Variants in IL1RAPL1 observed in about 807,000 individuals in gnomAD.
IL1RAPL1 encodes interleukin 1 receptor accessory protein like 1, also known as interleukin-1 receptor accessory protein-like 1.
IL1RAPL1 carries 3 observed loss-of-function variants against 48.4 expected under a neutral mutation model. That is an observed-to-expected ratio of 0.06 (90% CI 0.03 to 0.16). The LOEUF (loss-of-function observed/expected upper bound fraction) is 0.16. Among genes scored for constraint, IL1RAPL1 ranks in the 10% least tolerant of loss-of-function variants. The probability of loss-of-function intolerance (pLI) is 1.00; values close to 1 mark genes in which losing one functional copy is unlikely to be tolerated. For synonymous variants in IL1RAPL1, 185 were observed against 187.7 expected (o/e 0.99, Z 0.12); for missense variants, 349 against 530.6 (o/e 0.66, Z 3.36).
At chrX:29,456,389 A>G (rs188500277) in intron 5 of IL1RAPL1, among the ~76,000 whole-genome samples, 1 of 111,893 alleles carries the variant, frequency 8.9e-6, no homozygotes, top group East Asian at 2.8e-4. Flanking sequence ...TAAAACTTCT[A>G]TTGATGCCAC....
chrX:28,654,576 A>G (rs1177182080), intron 1 of IL1RAPL1, among the ~76,000 whole-genome samples: 2 of 112,224 alleles, frequency 1.8e-5, no homozygotes, highest in Non-Finnish European at 3.8e-5. Context: ...ACAATTCTAA[A>G]TGGAATGTGA....
chrX:29,658,977 G>A (rs747309126), intron 5 of IL1RAPL1, among the ~76,000 whole-genome samples: 59 of 111,891 alleles, frequency 5.3e-4, no homozygotes, highest in African/African-American at 1.9e-3. Flanking sequence ...ACTGCCCAAA[G>A]CAATTGACAC....
intron 5 of IL1RAPL1, among the ~76,000 whole-genome samples, chrX:29,507,751 C>T (rs1253159183): frequency 9.0e-6 from 1 of 110,542 alleles, no homozygotes; most frequent in Non-Finnish European, 1.9e-5. Context: ...CAAATTTAAG[C>T]CAAAGTTTCT....
At chrX:29,922,946 C>G (rs775925161) in intron 8 of IL1RAPL1, among the ~76,000 whole-genome samples, 1 of 111,009 alleles carries the variant, frequency 9.0e-6, no homozygotes. Flanking sequence ...GAATACTGAT[C>G]TTGTATACCA....
intron 8 of IL1RAPL1, among the ~76,000 whole-genome samples, chrX:29,938,615 T>C (rs1933073324): frequency 8.9e-6 from 1 of 112,475 alleles, no homozygotes; most frequent in Non-Finnish European, 1.9e-5. Flanking sequence ...ATTCACATAA[T>C]ATAAAGCGTG....
intron 1 of IL1RAPL1, among the ~76,000 whole-genome samples, chrX:28,738,751 A>G (rs777571906): frequency 9.0e-6 from 1 of 111,441 alleles, no homozygotes; most frequent in Non-Finnish European, 1.9e-5. Context: ...AGTGCTTTTT[A>G]AGGGTTTTGG....
intron 6 of IL1RAPL1, among the ~76,000 whole-genome samples, chrX:29,828,864 C>T (rs996070277): frequency 1.8e-5 from 2 of 108,650 alleles, no homozygotes; most frequent in African/African-American, 3.4e-5. Context: ...AGCTCCAAGA[C>T]AGGAAGGTGG....
chrX:29,947,966 G>A (rs1352790550), intron 9 of IL1RAPL1, among the ~76,000 whole-genome samples: 3 of 110,475 alleles, frequency 2.7e-5, no homozygotes, highest in Admixed American at 9.6e-5. Context: ...TTGCTATTCT[G>A]CTACTTTTTA....
intron 2 of IL1RAPL1, among the ~76,000 whole-genome samples, chrX:29,175,703 G>A (rs1443077828): frequency 9.3e-6 from 1 of 107,677 alleles, no homozygotes; most frequent in Non-Finnish European, 1.9e-5. Context: ...AAAATTAGCC[G>A]AGTGTGGTGG....
At chrX:28,704,832 A>ACAC (rs1491392987) in intron 1 of IL1RAPL1, among the ~76,000 whole-genome samples, 12 of 44,979 alleles carry the variant, frequency 2.7e-4, no homozygotes, top group South Asian at 1.1e-3. Context: ...ACACACACAC[A>ACAC]AAAAAAAAAA....
In IL1RAPL1 at chrX:29,381,665, A is replaced by G. The variant is rs1312233388; in HGVS notation, c.363-14593A>G. Among the ~76,000 whole-genome samples, 5 of 104,653 alleles carry G rather than the reference A, an allele frequency of 4.8e-5. No individual in the cohort carries two copies. The East Asian group carries it at 1.5e-3, about 31-fold the overall frequency. The allele number at this position is 104,653 out of a possible 115,157, so 90.9% of individuals were successfully genotyped here. ...TACCGCCTCTACAGAAAGTAAAAAA[A>G]CTTATCCAGATGTGGTGGCACATTC... On this transcript the variant is annotated intron_variant, in intron 3 of 10. Coordinates refer to ENST00000378993, the MANE Select transcript of IL1RAPL1 (RefSeq NM_014271.4).
intron 6 of IL1RAPL1, among the ~76,000 whole-genome samples, chrX:29,907,350 CTTTT>C: frequency 9.0e-6 from 1 of 110,864 alleles, no homozygotes; most frequent in South Asian, 3.7e-4. Context: ...TAATCTTGCA[CTTTT>C]TTGTTATTTC....
chrX:29,461,968 C>G lies in IL1RAPL1; in HGVS notation c.703+62660C>G, dbSNP rs368010901. On this transcript the variant is annotated intron_variant, in intron 5 of 10. Coordinates refer to ENST00000378993, the MANE Select transcript of IL1RAPL1 (RefSeq NM_014271.4). ...GCACAAGTATATAAGTTTACTGAAACTCATTAAACTGAACATGTAAAATGG... is the reference window on the plus strand; with the variant it reads ...GCACAAGTATATAAGTTTACTGAAAGTCATTAAACTGAACATGTAAAATGG... Among the ~76,000 whole-genome samples the G allele has an allele frequency of 3.6e-5, 4 of 111,464 alleles. No homozygotes were observed. In the East Asian group the frequency reaches 1.1e-3, roughly 31 times the overall value.
intron 2 of IL1RAPL1, among the ~76,000 whole-genome samples, chrX:29,055,162 C>A (rs1275804471): frequency 9.0e-6 from 1 of 111,401 alleles, no homozygotes; most frequent in Non-Finnish European, 1.9e-5. Context: ...TGTGTGGAAC[C>A]TTTACTATTC....
intron 6 of IL1RAPL1, among the ~76,000 whole-genome samples, chrX:29,826,648 T>G (rs926483816): frequency 3.6e-5 from 4 of 111,902 alleles, no homozygotes; most frequent in African/African-American, 1.3e-4. Flanking sequence ...TGTGGTTTTT[T>G]GTGTCTAGCT....
chrX:29,167,930 A>G (rs1452284509), intron 2 of IL1RAPL1, among the ~76,000 whole-genome samples: 2 of 111,023 alleles, frequency 1.8e-5, no homozygotes, highest in African/African-American at 6.5e-5. Flanking sequence ...GGATTGTCAA[A>G]TGGAAGTACT....
intron 2 of IL1RAPL1, among the ~76,000 whole-genome samples, chrX:29,039,247 G>C (rs1278372214): frequency 9.0e-6 from 1 of 111,465 alleles, no homozygotes; most frequent in Non-Finnish European, 1.9e-5. Flanking sequence ...AGAATGCTGA[G>C]GGAACAAACA....
At chrX:28,921,827 G>C (rs1441568676) in intron 2 of IL1RAPL1, among the ~76,000 whole-genome samples, 1 of 112,276 alleles carries the variant, frequency 8.9e-6, no homozygotes, top group Non-Finnish European at 1.9e-5. Context: ...ACTGATTTCT[G>C]ATGAACCGGT....
At chrX:29,081,020 C>CTCTCTTTCTTTTCTTTTCT (rs1555960745) in intron 2 of IL1RAPL1, among the ~76,000 whole-genome samples, 28 of 41,905 alleles carry the variant, frequency 6.7e-4, no homozygotes, top group East Asian at 2.7e-3. Context: ...CTCTCTCTCT[C>CTCTCTTTCTTTTCTTTTCT]TTTCTTTTCT....
Sources: allele counts gnomAD v4.1 joint callset (sites outside exome capture counted in the v4.1 genomes callset), GRCh38; gene constraint gnomAD v4.1.1; transcripts MANE v1.5; gene names NCBI Gene and HGNC (gene_info 2026-07-23, HGNC 2026-07-21).